CCL28: variants seen among roughly 807,000 people sequenced by gnomAD.
CCL28 encodes C-C motif chemokine ligand 28.
A neutral mutation model predicts 7.1 loss-of-function variants in CCL28; 4 were observed. That is an observed-to-expected ratio of 0.56 (90% confidence interval 0.28 to 1.29). CCL28 has a LOEUF of 1.29. CCL28 is among the 50% of genes most tolerant of loss of function. The pLI is 0.11. For missense variants in CCL28, 151 were observed against 163.4 expected (o/e 0.92, Z 0.41); for synonymous variants, 55 against 57.8 (o/e 0.95, Z 0.22).
At chr5:43,382,679 CTAATTTAAAACTTAAACT>C (rs1396374493) in intron 2 of CCL28, among the ~76,000 whole-genome samples, 7 of 152,260 alleles carry the variant, frequency 4.6e-5, no homozygotes, top group South Asian at 2.1e-4. Flanking sequence ...AAAACTGAAA[CTAATTTAAAACTTAAACT>C]TAATTTAAAA....
chr5:43,399,476 T>TCC (rs1038852142), intron 1 of CCL28, among the ~76,000 whole-genome samples: 9 of 152,194 alleles, frequency 5.9e-5, no homozygotes, highest in African/African-American at 2.2e-4. Context: ...GACTGTAAGC[T>TCC]CCCACAGGGC....
intron 1 of CCL28, among the ~76,000 whole-genome samples, chr5:43,396,032 C>G (rs1429881506): frequency 6.6e-6 from 1 of 151,796 alleles, no homozygotes; most frequent in African/African-American, 2.4e-5. Context: ...CCACCACACC[C>G]GGCTAATTTT....
intron 2 of CCL28, among the ~76,000 whole-genome samples, chr5:43,386,507 CAA>C (rs1263174530): frequency 1.3e-5 from 2 of 152,204 alleles, no homozygotes; most frequent in Non-Finnish European, 2.9e-5. Flanking sequence ...CCTTCTCCCA[CAA>C]AGACACTCAT....
intron 1 of CCL28, among the ~76,000 whole-genome samples, chr5:43,408,496 G>T (rs150351806): frequency 6.6e-6 from 1 of 152,180 alleles, no homozygotes; most frequent in Admixed American, 6.5e-5. Flanking sequence ...TCGTAAGGTG[G>T]GGGGAGCGGG....
chr5:43,380,095 T>A lies in CCL28; in HGVS notation c.*1765A>T, dbSNP rs1740044101. On this transcript the variant is annotated 3_prime_UTR_variant, in exon 3 of 3. Transcript: ENST00000361115. ...GAGATTGTGCCACTGCACTCCAGCC[T>A]GGGCAACAGAGTGAGACTCTGTCTC... 1.3e-5 allele frequency: 2 copies of A among 152,054 alleles called. No individual in the cohort carries two copies. Among genetic ancestry groups the A allele is most frequent in the African/African-American group, 4.8e-5 (2 of 41,354 alleles). The allele number at this position is 152,054 out of a possible 1,614,324, so 9.4% of individuals were successfully genotyped here. A position where few individuals can be genotyped will look rare whatever the true frequency, so the allele number is the denominator to read the frequency against.
chr5:43,377,717 C>CTTGTTTT (rs1739937972), downstream of CCL28, among the ~76,000 whole-genome samples: 1 of 42,708 alleles, frequency 2.3e-5, no homozygotes, highest in Non-Finnish European at 3.9e-5. Flanking sequence ...AGAACTTAAA[C>CTTGTTTT]TTTTTTTTTT....
At chr5:43,357,087 A>G in the CCL28 span, among the ~76,000 whole-genome samples, 1 of 152,118 alleles carries the variant, frequency 6.6e-6, no homozygotes, top group Non-Finnish European at 1.5e-5. Flanking sequence ...GCCAGTTTAG[A>G]TCTGTGCTGG....
At chr5:43,395,400 G>C (rs1740756767) in intron 1 of CCL28, among the ~76,000 whole-genome samples, 1 of 152,116 alleles carries the variant, frequency 6.6e-6, no homozygotes. Flanking sequence ...GTTTGAGCCA[G>C]GTGTGGTGGC....
chr5:43,374,239 A>C (rs1243879752), downstream of CCL28, among the ~76,000 whole-genome samples: 4 of 152,202 alleles, frequency 2.6e-5, no homozygotes, highest in Non-Finnish European at 5.9e-5. Flanking sequence ...TGTTTTGATA[A>C]GTTTATATGG....
the CCL28 span, among the ~76,000 whole-genome samples, chr5:43,369,042 G>GAA: frequency 1.2e-4 from 1 of 8,248 alleles, no homozygotes; most frequent in Non-Finnish European, 2.2e-4. Flanking sequence ...GAGAAAGAGA[G>GAA]AGAGAGAGAG....
At chr5:43,370,335 T>C in the CCL28 span, among the ~76,000 whole-genome samples, 1 of 151,950 alleles carries the variant, frequency 6.6e-6, no homozygotes, top group Non-Finnish European at 1.5e-5. Flanking sequence ...ATCATATCGC[T>C]TAATCTCTCA....
At chr5:43,408,462 G>A (rs1741392048) in intron 1 of CCL28, among the ~76,000 whole-genome samples, 1 of 152,180 alleles carries the variant, frequency 6.6e-6, no homozygotes. Flanking sequence ...ACCCAGGGTG[G>A]GGAACATCAC....
chr5:43,362,637 C>T, the CCL28 span, among the ~76,000 whole-genome samples: 1 of 152,134 alleles, frequency 6.6e-6, no homozygotes, highest in African/African-American at 2.4e-5. Context: ...ACATAGCAGT[C>T]ATTGTGAATA....
chr5:43,407,965 G>C (rs1741362260), intron 1 of CCL28, among the ~76,000 whole-genome samples: 1 of 152,174 alleles, frequency 6.6e-6, no homozygotes, highest in African/African-American at 2.4e-5. Flanking sequence ...AGTTAGAATG[G>C]CAATCATTCA....
At chr5:43,404,537 C>A (rs925721302) in intron 1 of CCL28, among the ~76,000 whole-genome samples, 3 of 152,298 alleles carry the variant, frequency 2.0e-5, no homozygotes, top group South Asian at 2.1e-4. Flanking sequence ...AGAACCAGTA[C>A]CAGCCACTGC....
At chr5:43,390,602 C>T (rs1413442998) in intron 1 of CCL28, among the ~76,000 whole-genome samples, 1 of 152,230 alleles carries the variant, frequency 6.6e-6, no homozygotes, top group Non-Finnish European at 1.5e-5. Context: ...GGTCAGCTCT[C>T]TGGAGAAGTG....
At chr5:43,404,843 AAAC>A (rs1359156972) in intron 1 of CCL28, among the ~76,000 whole-genome samples, 3 of 152,166 alleles carry the variant, frequency 2.0e-5, no homozygotes, top group African/African-American at 7.2e-5. Context: ...AAAACAAAAA[AAAC>A]AGGGTTGCAA....
chr5:43,394,606 A>G (rs1267964898), intron 1 of CCL28, among the ~76,000 whole-genome samples: 1 of 152,150 alleles, frequency 6.6e-6, no homozygotes, highest in Non-Finnish European at 1.5e-5. Context: ...GTTAATTTTT[A>G]TGTATAAGAA....
At chr5:43,370,281 T>A in the CCL28 span, among the ~76,000 whole-genome samples, 2 of 152,188 alleles carry the variant, frequency 1.3e-5, no homozygotes, top group African/African-American at 4.8e-5. Flanking sequence ...TACATAAACA[T>A]GTGTTCAGTG....
Sources: gnomAD v4.1 joint callset for allele counts (sites outside exome capture counted in the v4.1 genomes callset) on GRCh38, gnomAD v4.1.1 for gene constraint, MANE v1.5 for transcripts, NCBI Gene and HGNC (gene_info 2026-07-23, HGNC 2026-07-21) for gene names.